NEDD4: variants seen among roughly 807,000 people sequenced by gnomAD.
The protein encoded by NEDD4 is NEDD4 E3 ubiquitin protein ligase, also known as E3 ubiquitin-protein ligase NEDD4.
A neutral mutation model predicts 144.9 loss-of-function variants in NEDD4; 99 were observed. The ratio of observed to expected loss-of-function variants is 0.68; its 90% confidence interval spans 0.58 to 0.81. The LOEUF (loss-of-function observed/expected upper bound fraction) is 0.81. Ranked by LOEUF, NEDD4 falls within the 30% of genes least tolerant of loss-of-function variation. The pLI is 0.00. For synonymous variants in NEDD4, 318 were observed against 350.6 expected (o/e 0.91, Z 1.04); for missense variants, 985 against 1,065.9 (o/e 0.92, Z 1.06).
intron 1 of NEDD4, among the ~76,000 whole-genome samples, chr15:55,984,423 C>T (rs371366820): frequency 3.9e-5 from 6 of 152,286 alleles, no homozygotes; most frequent in East Asian, 3.9e-4. Flanking sequence ...GTGATGATTA[C>T]AGCTAAAGTA....
intron 4 of NEDD4, among the ~76,000 whole-genome samples, chr15:55,941,599 C>CT (rs1352491078): frequency 2.0e-5 from 3 of 150,012 alleles, no homozygotes; most frequent in Non-Finnish European, 4.4e-5. Context: ...GAGTCTCACT[C>CT]TGTCACCCAG....
intron 1 of NEDD4, among the ~76,000 whole-genome samples, chr15:55,983,307 C>CGCGT (rs1436286546): frequency 2.1e-5 from 3 of 145,144 alleles, no homozygotes; most frequent in East Asian, 1.9e-4. Context: ...TGTGCGTGCG[C>CGCGT]GCGCGTGCGT....
intron 5 of NEDD4, among the ~76,000 whole-genome samples, chr15:55,913,809 T>C (rs940391981): frequency 9.9e-5 from 15 of 152,034 alleles, no homozygotes; most frequent in African/African-American, 3.1e-4. Context: ...AAATAAACTA[T>C]TTTAAGGTAT....
Position 55,951,559 on chromosome 15 carries a change from G to C in NEDD4, c.150C>G (p.Asp50Glu). 6.6e-7 allele frequency: 1 copy of C among 1,523,428 alleles called. No homozygotes were observed. Among genetic ancestry groups the C allele is most frequent in the South Asian group, 1.3e-5 (1 of 77,124 alleles). 94.4% of individuals were successfully genotyped at this position (1,523,428 alleles called of 1,614,324 possible). The change falls in exon 3 of 29, where the codon GAC becomes GAG. Residue 50 changes from aspartate (D) to glutamate (E), a missense_variant. Transcript: ENST00000435532. ...SDPYVRVTLYDPMNGVLTSVQ... is the reference protein window; with the variant it reads ...SDPYVRVTLYEPMNGVLTSVQ... ...CACTTGTAAGAACTCCATTCATTGG[G>C]TCATATAACGTCACTCTCACGTAAG...
At chr15:55,830,864 T>G (rs1353197467) in intron 27 of NEDD4, among the ~76,000 whole-genome samples, 3 of 151,806 alleles carry the variant, frequency 2.0e-5, no homozygotes, top group Non-Finnish European at 4.4e-5. Context: ...CACGCCTGGC[T>G]AACTGTTAAA....
chr15:55,882,997 GGGAAGAGTAGAA>G (rs2035249961), intron 5 of NEDD4, among the ~76,000 whole-genome samples: 1 of 152,158 alleles, frequency 6.6e-6, no homozygotes, highest in African/African-American at 2.4e-5. Flanking sequence ...ACTCCTGCGT[GGGAAGAGTAGAA>G]GGAAGAGTAA....
At chr15:55,902,508 G>T (rs56914055) in intron 5 of NEDD4, among the ~76,000 whole-genome samples, 2 of 152,038 alleles carry the variant, frequency 1.3e-5, no homozygotes, top group Admixed American at 6.6e-5. Context: ...TAGAAAAAAG[G>T]AGAAGCGAGG....
At chr15:55,834,462 T>C (rs1349605666) in intron 24 of NEDD4, among the ~76,000 whole-genome samples, 176 bp from the exon 25 acceptor site, 1 of 152,180 alleles carries the variant, frequency 6.6e-6, no homozygotes, top group African/African-American at 2.4e-5. Context: ...GTGCACAGTC[T>C]GTTCTCTCTC....
intron 5 of NEDD4, among the ~76,000 whole-genome samples, chr15:55,897,669 A>G (rs1461062651): frequency 3.3e-5 from 5 of 152,176 alleles, no homozygotes; most frequent in Admixed American, 2.6e-4. Context: ...ACAGCCTGGT[A>G]AGGTTTGGGC....
chr15:55,892,824 T>C (rs1376414789), intron 5 of NEDD4, among the ~76,000 whole-genome samples: 2 of 152,194 alleles, frequency 1.3e-5, no homozygotes, highest in East Asian at 3.9e-4. Flanking sequence ...AGAGATGCTT[T>C]ACCTTTTTGG....
intron 1 of NEDD4, among the ~76,000 whole-genome samples, chr15:55,980,399 C>T (rs2140443784): frequency 6.6e-6 from 1 of 152,008 alleles, no homozygotes; most frequent in East Asian, 1.9e-4. Flanking sequence ...ACCCACTAAA[C>T]AGAAGATTGA....
intron 5 of NEDD4, among the ~76,000 whole-genome samples, chr15:55,903,873 C>T (rs2035998400): frequency 7.1e-6 from 1 of 140,160 alleles, no homozygotes. Context: ...TATATACACA[C>T]ATTGGCTGGG....
intron 4 of NEDD4, among the ~76,000 whole-genome samples, chr15:55,943,459 C>A (rs1447217828): frequency 1.3e-5 from 2 of 152,172 alleles, no homozygotes; most frequent in African/African-American, 2.4e-5. Flanking sequence ...TGAGTCCCAG[C>A]CACTCCAGCT....
Position 55,966,498 on chromosome 15 carries a change from C to A in NEDD4, c.94G>T (p.Ala32Ser). 6.5e-7 allele frequency: 1 copy of A among 1,535,622 alleles called. No individual in the cohort carries two copies. Among genetic ancestry groups the A allele is most frequent in the Non-Finnish European group, 8.8e-7 (1 of 1,141,172 alleles). Residue 32 changes from alanine to serine, a missense_variant, in exon 2 of 29, where the codon GCC becomes TCC. Physicochemically the swap from Ala to Ser is moderately conservative, Grantham distance 99. Coordinates refer to ENST00000435532, the MANE Select transcript of NEDD4 (RefSeq NM_006154.4). ...RVRVIAGIGL[A>S]KKDILGASDP... ...CTAGCTCCCAATATATCCTTCTTGG[C>A]AAGGCCTATTCCGGCTATAACTCTT...
At chr15:55,957,338 C>T (rs1470107742) in intron 2 of NEDD4, among the ~76,000 whole-genome samples, 3 of 152,106 alleles carry the variant, frequency 2.0e-5, no homozygotes, top group Admixed American at 2.0e-4. Flanking sequence ...TTGGATAGAA[C>T]ATGAAAGCAG....
At chr15:55,893,078 G>T (rs1191233993) in intron 5 of NEDD4, among the ~76,000 whole-genome samples, 1 of 152,102 alleles carries the variant, frequency 6.6e-6, no homozygotes, top group Non-Finnish European at 1.5e-5. Context: ...ACAGATCTTA[G>T]TGATTAATTG....
Position 55,848,832 on chromosome 15 carries a change from T to C in NEDD4, c.1402A>G (p.Thr468Ala). The C allele has an allele frequency of 6.2e-7, 1 of 1,613,740 alleles. No homozygotes were observed. Among genetic ancestry groups the C allele is most frequent in the Non-Finnish European group, 8.5e-7 (1 of 1,179,728 alleles). The stretch of plus-strand genomic sequence containing the variant: ...GGTAAAGGCCCTAGATCATTGGAAG[T>C]ATCAAGTGATGTCTTTCCTCTCAGA... ...AHLRGKTSLD[T>A]SNDLGPLPPG... The change falls in exon 15 of 29, where the codon ACT (threonine) becomes GCT (alanine). Residue 468 changes from threonine (T) to alanine (A), a missense_variant. Coordinates refer to ENST00000435532, the MANE Select transcript of NEDD4 (RefSeq NM_006154.4).
chr15:55,915,717 C>T, intron 5 of NEDD4: 1 of 1,613,936 alleles, frequency 6.2e-7, no homozygotes, highest in Non-Finnish European at 8.5e-7. Context: ...ACAAGAATAT[C>T]CTTCAGATGA....
chr15:55,907,340 CAT>C (rs757639345), intron 5 of NEDD4, among the ~76,000 whole-genome samples: 93 of 152,192 alleles, frequency 6.1e-4, no homozygotes, highest in African/African-American at 1.6e-3. Context: ...AAAATGGGCA[CAT>C]GTTTTACCTT....
Sources: allele counts gnomAD v4.1 joint callset (sites outside exome capture counted in the v4.1 genomes callset), GRCh38; gene constraint gnomAD v4.1.1; transcripts MANE v1.5; gene names NCBI Gene and HGNC (gene_info 2026-07-23, HGNC 2026-07-21).